The following PPP2R2C variants were observed in gnomAD, a reference collection of about 807,000 sequenced individuals.
PPP2R2C encodes protein phosphatase 2, regulatory subunit B, gamma.
PPP2R2C carries 10 observed loss-of-function variants against 45.3 expected under a neutral mutation model. The observed-to-expected ratio is 0.22, with a 90% CI of 0.14 to 0.37. The LOEUF is 0.37. PPP2R2C is among the 10% of genes least tolerant of loss of function. PPP2R2C has a pLI of 1.00. For missense variants in PPP2R2C, 308 were observed against 619.7 expected, an observed-to-expected ratio of 0.50 and a Z score of 5.34; for synonymous variants, 257 against 245.4, an observed-to-expected ratio of 1.05 and a Z score of -0.44.
chr4:6,530,380 T>C (rs556690501), intron 2 of PPP2R2C, among the ~76,000 whole-genome samples: 43 of 152,284 alleles, frequency 2.8e-4, no homozygotes, highest in Non-Finnish European at 5.0e-4. Context: ...GCACTGACTT[T>C]AACCCCCCAT....
At chr4:6,383,061 C>G (rs1216930318) in intron 1 of PPP2R2C, 1 of 1,095,694 alleles carries the variant, frequency 9.1e-7, no homozygotes, top group Non-Finnish European at 1.1e-6. Flanking sequence ...CTGGGCTTGT[C>G]CCTGTGTTTT....
chr4:6,561,477 G>C (rs972603845), intron 1 of PPP2R2C, among the ~76,000 whole-genome samples: 9 of 152,258 alleles, frequency 5.9e-5, no homozygotes, highest in Admixed American at 5.9e-4. Flanking sequence ...GGAGGTGGGG[G>C]GAGGGGGAGG....
At chr4:6,409,463 A>T (rs1330897669) in intron 1 of PPP2R2C, among the ~76,000 whole-genome samples, 2 of 152,032 alleles carry the variant, frequency 1.3e-5, no homozygotes, top group African/African-American at 4.8e-5. Context: ...GGAACCGAGA[A>T]CCCCACGCCC....
At chr4:6,357,750 G>T (rs1713341211) in intron 5 of PPP2R2C, among the ~76,000 whole-genome samples, 1 of 152,194 alleles carries the variant, frequency 6.6e-6, no homozygotes, top group African/African-American at 2.4e-5. Context: ...GGTGCTGGGT[G>T]CCCCCAGCTG....
In PPP2R2C at chr4:6,364,566, C is replaced by A. The variant is rs182390413; in HGVS notation, c.625+7957G>T. On this transcript the variant is annotated intron_variant, in intron 5 of 8. Coordinates refer to ENST00000382599, the MANE Select transcript of PPP2R2C (RefSeq NM_020416.4). The surrounding 1 kb of genome is among the most constrained non-coding windows in gnomAD (Gnocchi z 5.3). ...AGCTAATGAAGCAATGATGCTGCAGCTCGGTGATTTGCCAGGCACTGCCCT... is the reference window on the plus strand; with the variant it reads ...AGCTAATGAAGCAATGATGCTGCAGATCGGTGATTTGCCAGGCACTGCCCT... 6.6e-4 allele frequency among the ~76,000 whole-genome samples: 101 copies of A among 152,166 alleles called. 2 individuals are homozygous for A. Among genetic ancestry groups the A allele is most frequent in the African/African-American group, 2.3e-3 (95 of 41,518 alleles).
At position 6,330,153 on chromosome 4, in the gene PPP2R2C, T is replaced by G. The variant is rs1732291119; in HGVS notation, c.961-800A>C. Among the ~76,000 whole-genome samples the G allele has an allele frequency of 6.6e-6, 1 of 152,112 alleles. No individual in the cohort carries two copies. The highest frequency in any genetic ancestry group is 1.5e-5 in the Non-Finnish European group (1 of 67,996). On this transcript the variant is annotated intron_variant, in intron 7 of 8. Coordinates refer to ENST00000382599, the MANE Select transcript of PPP2R2C (RefSeq NM_020416.4). This position sits in a 1 kb window ranked among gnomAD's most constrained non-coding sequence, Gnocchi z 7.0. ...ACCCCAGGACCTGCATCCACCTGAC[T>G]GCAGCCGGTCCTACAAGCCCTGTAC...
chr4:6,479,845 T>C (rs1307605165), intron 2 of PPP2R2C, among the ~76,000 whole-genome samples: 1 of 152,020 alleles, frequency 6.6e-6, no homozygotes, highest in Non-Finnish European at 1.5e-5. Context: ...AATATTAGCA[T>C]TGACATATTC....
At chr4:6,338,426 G>C (rs868705164) in intron 6 of PPP2R2C, among the ~76,000 whole-genome samples, 1 of 152,212 alleles carries the variant, frequency 6.6e-6, no homozygotes, top group African/African-American at 2.4e-5. Flanking sequence ...GGCCAAGGTG[G>C]AGGGGACCTG....
At position 6,347,862 on chromosome 4, in the gene PPP2R2C, A is replaced by G. The variant is rs754298356; in HGVS notation, c.774T>C (p.Cys258=). Residue 258 remains cysteine, a synonymous_variant, in exon 6 of 9, where the codon TGT becomes TGC. Transcript: ENST00000382599. ...GGCACTTACGCTTGGAATGCTTGTC[A>G]CACAGGGCAGCTGCCCGCATGTCGC... The part of the protein sequence containing the change: ...RLCDMRAAAL[C]DKHSKLFEEP... The G allele has an allele frequency of 1.3e-6, 2 of 1,585,640 alleles. No individual in the cohort carries two copies. Among genetic ancestry groups the G allele is most frequent in the Admixed American group, 3.4e-5 (2 of 58,470 alleles).
chr4:6,470,970 C>G (rs13149248), intron 1 of PPP2R2C, among the ~76,000 whole-genome samples: 9,336 of 151,848 alleles, frequency 0.061, 391 homozygotes, highest in African/African-American at 0.12. Flanking sequence ...CGCCCGCGCT[C>G]GCGCTGCGCT....
At chr4:6,444,231 A>G (rs1720304198) in intron 1 of PPP2R2C, among the ~76,000 whole-genome samples, 1 of 152,222 alleles carries the variant, frequency 6.6e-6, no homozygotes, top group Admixed American at 6.5e-5. Context: ...AGATGGATAA[A>G]TAGAACAAGG....
intron 2 of PPP2R2C, among the ~76,000 whole-genome samples, chr4:6,479,702 G>C (rs928526669): frequency 6.6e-6 from 1 of 151,488 alleles, no homozygotes; most frequent in African/African-American, 2.4e-5. Context: ...TTTCAACGTA[G>C]AGTTTTGTTT....
At chr4:6,512,083 ATGGTGG>A (rs1157543779) in intron 2 of PPP2R2C, among the ~76,000 whole-genome samples, 6 of 14,074 alleles carry the variant, frequency 4.3e-4, no homozygotes, top group African/African-American at 1.4e-3. Flanking sequence ...GATGGTGCTG[ATGGTGG>A]TGGTGGTGGT....
At chr4:6,464,686 T>C (rs1376609339) in intron 1 of PPP2R2C, among the ~76,000 whole-genome samples, 5 of 152,240 alleles carry the variant, frequency 3.3e-5, no homozygotes, top group African/African-American at 1.2e-4. Flanking sequence ...AAAAACTTTC[T>C]GGAGAATAAT....
chr4:6,469,169 T>TGG (rs1721734823), intron 1 of PPP2R2C, among the ~76,000 whole-genome samples: 1 of 148,698 alleles, frequency 6.7e-6, no homozygotes, highest in African/African-American at 2.5e-5. Flanking sequence ...AAACTCTTCC[T>TGG]AAGATGTTTG....
At chr4:6,394,669 A>G (rs1273535516) in intron 1 of PPP2R2C, among the ~76,000 whole-genome samples, 1 of 152,212 alleles carries the variant, frequency 6.6e-6, no homozygotes, top group Non-Finnish European at 1.5e-5. Context: ...CCTGACACTG[A>G]TGCGGACCTA....
At chr4:6,554,882 AAAAG>A (rs1257589490) in intron 1 of PPP2R2C, among the ~76,000 whole-genome samples, 18 of 132,586 alleles carry the variant, frequency 1.4e-4, no homozygotes, top group East Asian at 4.4e-4. Context: ...AAGAAAAAGA[AAAAG>A]AAAGGAAGGA....
At chr4:6,432,623 C>T (rs1006244589) in intron 1 of PPP2R2C, among the ~76,000 whole-genome samples, 1 of 152,204 alleles carries the variant, frequency 6.6e-6, no homozygotes, top group Non-Finnish European at 1.5e-5. Context: ...ATCTGTCACC[C>T]CCAAGGGCTT....
At chr4:6,333,515 T>C in intron 7 of PPP2R2C, 47 bp downstream of exon 7, 1 of 1,595,844 alleles carries the variant, frequency 6.3e-7, no homozygotes, top group Non-Finnish European at 8.6e-7. Context: ...GATCTCAGCA[T>C]AGGGAAAAAA....
Sources: gnomAD v4.1 joint callset for allele counts (sites outside exome capture counted in the v4.1 genomes callset) on GRCh38, gnomAD v4.1.1 for gene constraint, Gnocchi (gnomAD v3.1) non-coding constraint, MANE v1.5 for transcripts, NCBI Gene and HGNC (gene_info 2026-07-23, HGNC 2026-07-21) for gene names.